The following CSMD3 variants were observed in gnomAD, a reference collection of about 807,000 sequenced individuals.
The protein encoded by CSMD3 is CUB and Sushi multiple domains 3, also known as CUB and sushi domain-containing protein 3.
In CSMD3, 177 loss-of-function variants were observed where a neutral mutation model predicts 435.2. The observed-to-expected ratio is 0.41, with a 90% CI of 0.36 to 0.46. The LOEUF (loss-of-function observed/expected upper bound fraction) is 0.46. CSMD3 is among the 20% of genes least tolerant of loss of function. The pLI is 0.34. For synonymous variants in CSMD3, 1,656 were observed against 1,520.5 expected (o/e 1.09, Z -2.07); for missense variants, 4,265 against 4,504.6 (o/e 0.95, Z 1.52).
intron 5 of CSMD3, among the ~76,000 whole-genome samples, chr8:113,040,053 T>C (rs6997105): frequency 0.6 from 90,812 of 151,974 alleles, 28,565 homozygotes; most frequent in East Asian, 0.95. Flanking sequence ...GCTCTACAAA[T>C]GAAACTAAGT....
chr8:112,803,046 T>C (rs1049801730), intron 12 of CSMD3, among the ~76,000 whole-genome samples: 1 of 152,134 alleles, frequency 6.6e-6, no homozygotes, highest in Non-Finnish European at 1.5e-5. Flanking sequence ...GAATTTGTTA[T>C]GATTCTTTGA....
intron 30 of CSMD3, among the ~76,000 whole-genome samples, chr8:112,497,417 T>C (rs1821465907): frequency 6.6e-6 from 1 of 151,586 alleles, no homozygotes; most frequent in Non-Finnish European, 1.5e-5. Flanking sequence ...GGATACCCCA[T>C]TTACCCTGAT....
intron 32 of CSMD3, among the ~76,000 whole-genome samples, chr8:112,448,004 C>T (rs1223153744): frequency 2.0e-5 from 3 of 152,096 alleles, no homozygotes; most frequent in Non-Finnish European, 4.4e-5. Context: ...TTAGATGAGG[C>T]CATACTAGAC....
At chr8:112,551,530 G>A (rs192915250) in intron 26 of CSMD3, among the ~76,000 whole-genome samples, 69 of 152,066 alleles carry the variant, frequency 4.5e-4, no homozygotes, top group Admixed American at 2.8e-3. Flanking sequence ...TACATGAATC[G>A]TTACAGCTTT....
chr8:113,117,437 A>T (rs2090865156), intron 4 of CSMD3, among the ~76,000 whole-genome samples: 1 of 152,220 alleles, frequency 6.6e-6, no homozygotes, highest in African/African-American at 2.4e-5. Context: ...CAACACCTGG[A>T]TGTCCAGGCA....
chr8:112,438,381 G>T (rs941779904), intron 32 of CSMD3, among the ~76,000 whole-genome samples: 1 of 152,082 alleles, frequency 6.6e-6, no homozygotes, highest in South Asian at 2.1e-4. Flanking sequence ...AGTCACTAAG[G>T]TGGTATTTTG....
intron 10 of CSMD3, among the ~76,000 whole-genome samples, chr8:112,862,550 T>C (rs941291483): frequency 6.6e-6 from 1 of 151,896 alleles, no homozygotes; most frequent in Admixed American, 6.6e-5. Flanking sequence ...TTGAACAGAG[T>C]TGCAGCAGTT....
At chr8:113,384,726 T>A (rs139271196) in intron 1 of CSMD3, among the ~76,000 whole-genome samples, 59 of 152,306 alleles carry the variant, frequency 3.9e-4, no homozygotes, top group African/African-American at 1.4e-3. Flanking sequence ...GGAGCTTCAC[T>A]GCCAGTAAAA....
intron 6 of CSMD3, among the ~76,000 whole-genome samples, chr8:113,017,556 G>T (rs1014286607): frequency 2.0e-5 from 3 of 151,852 alleles, no homozygotes; most frequent in African/African-American, 7.3e-5. Context: ...TAGTAGAAAA[G>T]ATCACAGGAA....
At chr8:112,589,016 GA>G (rs2131361511) in intron 22 of CSMD3, among the ~76,000 whole-genome samples, 1 of 152,188 alleles carries the variant, frequency 6.6e-6, no homozygotes, top group South Asian at 2.1e-4. Flanking sequence ...TTATTTAGAA[GA>G]GAATGCAAAT....
At chr8:112,743,666 C>T (rs1368711799) in intron 13 of CSMD3, among the ~76,000 whole-genome samples, 1 of 151,850 alleles carries the variant, frequency 6.6e-6, no homozygotes, top group African/African-American at 2.4e-5. Flanking sequence ...ACAGAATTGC[C>T]TCTCTAGTAA....
chr8:112,252,653 A>T (rs975207123), intron 63 of CSMD3, among the ~76,000 whole-genome samples: 2 of 145,220 alleles, frequency 1.4e-5, no homozygotes, highest in Non-Finnish European at 3.0e-5. Context: ...ATACAGATTT[A>T]GTTAACAGAT....
intron 4 of CSMD3, among the ~76,000 whole-genome samples, chr8:113,107,700 T>C (rs2090521654): frequency 6.6e-6 from 1 of 152,210 alleles, no homozygotes; most frequent in Admixed American, 6.5e-5. Flanking sequence ...CCCTTGTTGT[T>C]CATGGGTCAA....
chr8:112,586,192 A>G (rs1217593450), intron 23 of CSMD3, among the ~76,000 whole-genome samples: 2 of 151,568 alleles, frequency 1.3e-5, no homozygotes, highest in African/African-American at 4.8e-5. Flanking sequence ...TCATTAAAAA[A>G]GAATTCTCCT....
chr8:112,256,945 G>C (rs901585882), intron 61 of CSMD3, among the ~76,000 whole-genome samples: 1 of 152,126 alleles, frequency 6.6e-6, no homozygotes, highest in African/African-American at 2.4e-5. Context: ...TGGCATGCCC[G>C]AGCCATCTGG....
intron 3 of CSMD3, among the ~76,000 whole-genome samples, chr8:113,262,521 T>C (rs1373928559): frequency 6.6e-6 from 1 of 152,026 alleles, no homozygotes; most frequent in Non-Finnish European, 1.5e-5. Flanking sequence ...TAAAGCTATA[T>C]TACAAAAGGT....
At chr8:113,255,905 T>G (rs984064986) in intron 3 of CSMD3, among the ~76,000 whole-genome samples, 1 of 152,044 alleles carries the variant, frequency 6.6e-6, no homozygotes, top group East Asian at 1.9e-4. Context: ...TATTTTACAG[T>G]GTCAATAACA....
chr8:112,991,003 T>A (rs962705717), intron 6 of CSMD3, among the ~76,000 whole-genome samples: 1 of 151,896 alleles, frequency 6.6e-6, no homozygotes, highest in African/African-American at 2.4e-5. Context: ...TTACCTCGGG[T>A]CATCTCTAAA....
intron 12 of CSMD3, among the ~76,000 whole-genome samples, chr8:112,825,512 C>CT (rs1193972115): frequency 6.6e-6 from 1 of 152,052 alleles, no homozygotes; most frequent in African/African-American, 2.4e-5. Context: ...TCTATGGGGA[C>CT]TTTTTTGTTG....
Sources: allele counts gnomAD v4.1 joint callset (sites outside exome capture counted in the v4.1 genomes callset), GRCh38; gene constraint gnomAD v4.1.1; transcripts MANE v1.5; gene names NCBI Gene and HGNC (gene_info 2026-07-23, HGNC 2026-07-21).